Variants in SNX29 observed in about 807,000 individuals in gnomAD.
SNX29 encodes the protein sorting nexin 29, also known as sorting nexin-29.
SNX29 carries 78 observed loss-of-function variants against 102.1 expected under a neutral mutation model. The observed-to-expected ratio is 0.76, with a 90% CI of 0.64 to 0.92. The LOEUF (loss-of-function observed/expected upper bound fraction) is 0.92. Among genes scored for constraint, SNX29 ranks in the 40% least tolerant of loss-of-function variants. SNX29 has a pLI of 0.00. For missense variants in SNX29, 1,280 were observed against 1,061.7 expected (o/e 1.21, Z -2.86); for synonymous variants, 580 against 414.5 (o/e 1.40, Z -4.85).
chr16:12,502,107 G>T (rs1011298149), intron 19 of SNX29, among the ~76,000 whole-genome samples: 22 of 152,178 alleles, frequency 1.4e-4, no homozygotes, highest in African/African-American at 4.1e-4. Flanking sequence ...CTCCGAGCTG[G>T]GCAGGCAACA....
chr16:12,384,312 G>C (rs1299590011), intron 16 of SNX29, among the ~76,000 whole-genome samples: 1 of 152,178 alleles, frequency 6.6e-6, no homozygotes, highest in Non-Finnish European at 1.5e-5. Flanking sequence ...CTCCACAGTG[G>C]TTGTGTGAAT....
At chr16:12,533,270 A>C (rs887352565) in intron 20 of SNX29, among the ~76,000 whole-genome samples, 1 of 152,234 alleles carries the variant, frequency 6.6e-6, no homozygotes, top group African/African-American at 2.4e-5. Context: ...TGCTTTGCAG[A>C]ATCCGTAGCA....
chr16:12,420,066 A>G (rs1322806760), intron 18 of SNX29, among the ~76,000 whole-genome samples: 1 of 152,166 alleles, frequency 6.6e-6, no homozygotes, highest in African/African-American at 2.4e-5. Flanking sequence ...GGGCCAGGTA[A>G]TTCTGGGTTA....
At chr16:12,443,632 T>C (rs1023244920) in intron 18 of SNX29, among the ~76,000 whole-genome samples, 8 of 152,190 alleles carry the variant, frequency 5.3e-5, no homozygotes, top group Non-Finnish European at 1.0e-4. Context: ...TGTGTTTTCA[T>C]TAGAGACAGG....
intron 4 of SNX29, among the ~76,000 whole-genome samples, chr16:12,031,333 A>T (rs1340486847): frequency 6.6e-6 from 1 of 151,476 alleles, no homozygotes; most frequent in Non-Finnish European, 1.5e-5. Flanking sequence ...CAGCCTCCCA[A>T]AGTGCTGGGA....
At chr16:12,560,952 A>AC (rs2078692984) in intron 20 of SNX29, 1 of 210,426 alleles carries the variant, frequency 4.8e-6, no homozygotes, top group Non-Finnish European at 9.6e-6. Flanking sequence ...GGAGAACCAG[A>AC]CCCAGACCTG....
chr16:12,273,713 A>G (rs2079160015), intron 14 of SNX29, among the ~76,000 whole-genome samples: 1 of 152,114 alleles, frequency 6.6e-6, no homozygotes, highest in Non-Finnish European at 1.5e-5. Flanking sequence ...CTAATTCCAG[A>G]ACATTTTTGT....
At chr16:12,035,796 C>T (rs189099516) in intron 4 of SNX29, among the ~76,000 whole-genome samples, 168 of 151,938 alleles carry the variant, frequency 1.1e-3, no homozygotes, top group East Asian at 5.4e-3. Flanking sequence ...GGGATTAAGC[C>T]AGTTTTGAGT....
At chr16:12,393,392 TCATGCATGCATGCATGCATG>T (rs374651159) in intron 16 of SNX29, among the ~76,000 whole-genome samples, 2 of 141,910 alleles carry the variant, frequency 1.4e-5, no homozygotes, top group Admixed American at 6.9e-5. Context: ...ATTCATTCAT[TCATGCATGCATGCATGCATG>T]CATTCATTCA....
At chr16:12,559,569 C>A (rs750061160) in intron 20 of SNX29, among the ~76,000 whole-genome samples, 1 of 151,922 alleles carries the variant, frequency 6.6e-6, no homozygotes, top group Non-Finnish European at 1.5e-5. Flanking sequence ...TTTTCTTATA[C>A]ATAACTCATC....
chr16:11,981,087 C>T (rs2055403556), intron 1 of SNX29, among the ~76,000 whole-genome samples: 1 of 151,968 alleles, frequency 6.6e-6, no homozygotes, highest in Admixed American at 6.6e-5. Flanking sequence ...CCTGCCTCAG[C>T]CTCTGGAGTA....
chr16:12,124,553 T>G (rs2054123551), intron 11 of SNX29, among the ~76,000 whole-genome samples: 1 of 152,166 alleles, frequency 6.6e-6, no homozygotes, highest in Non-Finnish European at 1.5e-5. Context: ...GGCATATATG[T>G]TTGTTCAGAT....
At chr16:12,231,753 C>T (rs2142204260) in intron 14 of SNX29, among the ~76,000 whole-genome samples, 1 of 152,252 alleles carries the variant, frequency 6.6e-6, no homozygotes, top group African/African-American at 2.4e-5. Context: ...AAAGTGTCAC[C>T]AGCAAACAGG....
intron 18 of SNX29, among the ~76,000 whole-genome samples, chr16:12,466,337 A>G (rs760418379): frequency 1.2e-4 from 19 of 152,248 alleles, no homozygotes; most frequent in Non-Finnish European, 2.2e-4. Flanking sequence ...AGCATACAGA[A>G]TCTGGTGTGT....
intron 19 of SNX29, among the ~76,000 whole-genome samples, chr16:12,486,176 G>T (rs1346835969): frequency 1.1e-4 from 16 of 152,126 alleles, no homozygotes; most frequent in Admixed American, 1.0e-3. Context: ...CTTCCGTGTT[G>T]CCTCTCTCCC....
At chr16:12,548,965 G>A (rs570060343) in intron 20 of SNX29, among the ~76,000 whole-genome samples, 51 of 152,344 alleles carry the variant, frequency 3.3e-4, no homozygotes, top group Middle Eastern at 6.8e-3. Flanking sequence ...TCAAGCAACA[G>A]CACAAGTGAG....
intron 15 of SNX29, among the ~76,000 whole-genome samples, chr16:12,351,063 C>CT (rs1186438957): frequency 6.6e-6 from 1 of 152,238 alleles, no homozygotes; most frequent in African/African-American, 2.4e-5. Context: ...AATCCCCACT[C>CT]TGTCACTTCC....
intron 15 of SNX29, among the ~76,000 whole-genome samples, chr16:12,280,200 A>C (rs1273162412): frequency 6.6e-6 from 1 of 152,200 alleles, no homozygotes; most frequent in Non-Finnish European, 1.5e-5. Flanking sequence ...GGCTGAGTAC[A>C]AGGAAAGCAT....
At chr16:12,536,686 G>A (rs377262896) in intron 20 of SNX29, among the ~76,000 whole-genome samples, 7 of 152,150 alleles carry the variant, frequency 4.6e-5, no homozygotes, top group African/African-American at 1.7e-4. Flanking sequence ...GTATTAAGAG[G>A]TGTTCAGGGG....
Sources: gnomAD v4.1 joint callset for allele counts (sites outside exome capture counted in the v4.1 genomes callset) on GRCh38, gnomAD v4.1.1 for gene constraint, MANE v1.5 for transcripts, NCBI Gene and HGNC (gene_info 2026-07-23, HGNC 2026-07-21) for gene names.